MAP4K3: variants seen among roughly 807,000 people sequenced by gnomAD.
The protein encoded by MAP4K3 is mitogen-activated protein kinase kinase kinase kinase 3, also known as MAPK/ERK kinase kinase kinase 3.
Under a neutral mutation model 143.5 loss-of-function variants are expected in MAP4K3, and 94 were observed. That is an observed-to-expected ratio of 0.65 (90% CI 0.55 to 0.78). MAP4K3 has a LOEUF of 0.78. MAP4K3 is among the 30% of genes least tolerant of loss of function. The pLI is 0.00. For missense variants in MAP4K3, 1,077 were observed against 1,068.1 expected, an observed-to-expected ratio of 1.01 and a Z score of -0.12; for synonymous variants, 416 against 347.2, an observed-to-expected ratio of 1.20 and a Z score of -2.20.
Position 39,320,672 on chromosome 2 carries a change from T to C in MAP4K3, c.918+4846A>G, listed in dbSNP as rs114026648. ...TCTATTTAATGTTAATTCATGAACA[T>C]TACTATAACCTTTGGAAGTAAAAGA... On this transcript the variant is annotated intron_variant, in intron 12 of 33. Coordinates refer to ENST00000263881, the MANE Select transcript of MAP4K3 (RefSeq NM_003618.4). Among the ~76,000 whole-genome samples, 565 of 152,326 alleles carry C rather than the reference T, an allele frequency of 3.7e-3. 4 individuals are homozygous for C. The highest frequency in any genetic ancestry group is 0.013 in the African/African-American group (536 of 41,576).
chr2:39,358,990 G>A (rs191694662), intron 2 of MAP4K3, among the ~76,000 whole-genome samples: 1 of 152,266 alleles, frequency 6.6e-6, no homozygotes, highest in Non-Finnish European at 1.5e-5. Flanking sequence ...TCACAATCAT[G>A]TCTTTCCAAC....
At chr2:39,350,630 T>TA in intron 3 of MAP4K3, among the ~76,000 whole-genome samples, 1 of 152,248 alleles carries the variant, frequency 6.6e-6, no homozygotes, top group Non-Finnish European at 1.5e-5. Context: ...TTTTCCCAGT[T>TA]TTATATAACT....
rs563900254 is a variant in MAP4K3 at position 39,341,394 on chromosome 2, C to T, written c.310+1994G>A. ...CTTCAGGAGGCCGGGCGTGGTAGCT[C>T]ATGCCTGTAATCCTAGCACTTTGGG... On this transcript the variant is annotated intron_variant, in intron 4 of 33. Transcript: ENST00000263881. 2.0e-5 allele frequency among the ~76,000 whole-genome samples: 3 copies of T among 152,262 alleles called. No individual in the cohort carries two copies. In the South Asian group the frequency reaches 6.2e-4, roughly 32 times the overall value.
At chr2:39,420,804 A>C (rs574199486) in intron 1 of MAP4K3, among the ~76,000 whole-genome samples, 34 of 152,112 alleles carry the variant, frequency 2.2e-4, no homozygotes, top group African/African-American at 7.7e-4. Flanking sequence ...TTTCCTTGAC[A>C]CTCCCATCAT....
chr2:39,379,194 G>C (rs1573219126), intron 1 of MAP4K3, among the ~76,000 whole-genome samples: 2 of 151,950 alleles, frequency 1.3e-5, no homozygotes, highest in South Asian at 4.1e-4. Context: ...ATTCTTCTAA[G>C]AATACTAGGG....
At chr2:39,261,035 T>C in intron 28 of MAP4K3, 1 of 305,450 alleles carries the variant, frequency 3.3e-6, no homozygotes, top group South Asian at 4.4e-5. Context: ...TCCAACCCTC[T>C]CTTTTCAGAG....
In MAP4K3 at chr2:39,378,138, A is replaced by G; in HGVS notation, c.97-15T>C. ...ACATTCCGTGCCTAAAAGAAAGAGG[A>G]AAAAAGGATTATTGTGAAGAAAGCT... On this transcript the variant is annotated splice_polypyrimidine_tract_variant and intron_variant, in intron 1 of 33. Coordinates refer to ENST00000263881, the MANE Select transcript of MAP4K3 (RefSeq NM_003618.4). 1.3e-6 allele frequency: 2 copies of G among 1,508,912 alleles called. No individual in the cohort carries two copies. Among genetic ancestry groups the G allele is most frequent in the Non-Finnish European group, 1.8e-6 (2 of 1,103,124 alleles). The allele number at this position is 1,508,912 out of a possible 1,614,324, so 93.5% of individuals were successfully genotyped here.
intron 20 of MAP4K3, among the ~76,000 whole-genome samples, chr2:39,287,191 T>C (rs909020560): frequency 1.3e-5 from 2 of 152,230 alleles, no homozygotes; most frequent in African/African-American, 4.8e-5. Flanking sequence ...TCAGGTTGTG[T>C]ATAAGTGCAT....
At chr2:39,418,918 A>G (rs1265301916) in intron 1 of MAP4K3, among the ~76,000 whole-genome samples, 3 of 152,188 alleles carry the variant, frequency 2.0e-5, no homozygotes, top group Non-Finnish European at 4.4e-5. Context: ...GCATTAGAGA[A>G]AAACTAGTGA....
chr2:39,264,750 A>T (rs1425347782), intron 28 of MAP4K3, among the ~76,000 whole-genome samples: 1 of 152,104 alleles, frequency 6.6e-6, no homozygotes, highest in East Asian at 1.9e-4. Context: ...ATGATTCTAT[A>T]AAAAAAATCT....
intron 1 of MAP4K3, among the ~76,000 whole-genome samples, chr2:39,406,935 G>A (rs1667113334): frequency 6.6e-6 from 1 of 152,134 alleles, no homozygotes; most frequent in African/African-American, 2.4e-5. Context: ...AGACACAGAT[G>A]TTACAAGAAA....
chr2:39,310,796 A>G (rs935370454), intron 13 of MAP4K3, among the ~76,000 whole-genome samples: 8 of 152,152 alleles, frequency 5.3e-5, no homozygotes, highest in Non-Finnish European at 7.4e-5. Context: ...GGGTGAAATG[A>G]TATCTCATTG....
At chr2:39,253,295 G>A (rs968943296) in intron 32 of MAP4K3, among the ~76,000 whole-genome samples, 2 of 152,110 alleles carry the variant, frequency 1.3e-5, no homozygotes, top group Admixed American at 6.5e-5. Context: ...CACCACGCCT[G>A]GCTAATTTTT....
rs1432557780 is a variant in MAP4K3, at chr2:39,315,377, A to G, written c.930T>C (p.Ala310=). ...FDDDDPEPLV[A]VPHRIHSTSR... ...TTGTTGAGTGAATTCTATGTGGTAC[A>G]GCAACAAGAGGCTAGAAAAGAACAA... Residue 310 remains alanine, a synonymous_variant, in exon 13 of 34, where the codon GCT becomes GCC. Coordinates refer to ENST00000263881, the MANE Select transcript of MAP4K3 (RefSeq NM_003618.4). 2 of 1,610,376 alleles carry G rather than the reference A, an allele frequency of 1.2e-6. No homozygotes were observed. Among genetic ancestry groups the G allele is most frequent in the South Asian group, 1.1e-5 (1 of 90,418 alleles).
intron 1 of MAP4K3, among the ~76,000 whole-genome samples, chr2:39,392,252 ACC>A: frequency 6.6e-6 from 1 of 151,852 alleles, no homozygotes; most frequent in African/African-American, 2.4e-5. Context: ...CACTTCTCTA[ACC>A]CGTATCCCTG....
At chr2:39,300,301 A>G (rs2148488996) in intron 15 of MAP4K3, among the ~76,000 whole-genome samples, 1 of 152,362 alleles carries the variant, frequency 6.6e-6, no homozygotes, top group Admixed American at 6.5e-5. Context: ...TAAATTACGT[A>G]TATGAACTTG....
chr2:39,326,497 A>G (rs180730900), intron 8 of MAP4K3, among the ~76,000 whole-genome samples: 24 of 152,292 alleles, frequency 1.6e-4, no homozygotes, highest in African/African-American at 5.3e-4. Flanking sequence ...ACAGGCTTAT[A>G]GGTGGAAGGG....
chr2:39,359,791 T>C (rs1460550970), intron 2 of MAP4K3, among the ~76,000 whole-genome samples: 2 of 152,346 alleles, frequency 1.3e-5, no homozygotes, highest in Admixed American at 6.5e-5. Flanking sequence ...GCCTGAGCTA[T>C]ACGTTGGCCC....
At chr2:39,299,117 G>A (rs1406869125) in intron 16 of MAP4K3, among the ~76,000 whole-genome samples, 1 of 151,992 alleles carries the variant, frequency 6.6e-6, no homozygotes, top group African/African-American at 2.4e-5. Context: ...ACTCTAAGGG[G>A]AATAGCAAAA....
Sources: gnomAD v4.1 joint callset for allele counts (sites outside exome capture counted in the v4.1 genomes callset) on GRCh38, gnomAD v4.1.1 for gene constraint, MANE v1.5 for transcripts, NCBI Gene and HGNC (gene_info 2026-07-23, HGNC 2026-07-21) for gene names.